The following MRPL42 variants were observed in gnomAD, a reference collection of about 807,000 sequenced individuals.
The protein encoded by MRPL42 is mitochondrial ribosomal protein L42.
A neutral mutation model predicts 17.9 loss-of-function variants in MRPL42; 17 were observed. That is an observed-to-expected ratio of 0.95 (90% confidence interval 0.65 to 1.42). The LOEUF is 1.42. MRPL42 is among the 40% of genes most tolerant of loss of function. MRPL42 has a pLI of 0.00. For synonymous variants in MRPL42, 59 were observed against 54.4 expected (o/e 1.08, Z -0.37); for missense variants, 177 against 175.2 (o/e 1.01, Z -0.06).
At chr12:93,467,762 C>G (rs1001672630) in intron 1 of MRPL42, among the ~76,000 whole-genome samples, 2 of 152,196 alleles carry the variant, frequency 1.3e-5, no homozygotes, top group South Asian at 2.1e-4. Context: ...GGCGGACGCC[C>G]GTGGGGAGGT....
rs1052896160 is a variant in MRPL42 at position 93,488,980 on chromosome 12, C to T, written c.383+1320C>T. Among the ~76,000 whole-genome samples, 11 of 152,170 alleles carry T rather than the reference C, an allele frequency of 7.2e-5. No homozygotes were observed. In the South Asian group the frequency reaches 1.7e-3, roughly 23 times the overall value. On this transcript the variant is annotated intron_variant, in intron 5 of 5. Transcript: ENST00000549982. ...AGCTGGGATTACAGGCACACTCTGC[C>T]ACGCCCAGCTAGTTTGAACAAAACT...
At chr12:93,475,016 A>G (rs138470099) in intron 2 of MRPL42, among the ~76,000 whole-genome samples, 7,973 of 152,196 alleles carry the variant, frequency 0.052, 253 homozygotes, top group South Asian at 0.14. Context: ...TTGCTTGAAC[A>G]TGGGAGGCGG....
chr12:93,502,084 G>A lies in MRPL42; in HGVS notation c.*863G>A, dbSNP rs1418461315. 5 of 152,112 alleles carry A rather than the reference G, an allele frequency of 3.3e-5. No homozygotes were observed. Among genetic ancestry groups the A allele is most frequent in the Non-Finnish European group, 7.3e-5 (5 of 68,028 alleles). The allele number at this position is 152,112 out of a possible 1,614,324, so 9.4% of individuals were successfully genotyped here. On this transcript the variant is annotated 3_prime_UTR_variant, in exon 6 of 6. Coordinates refer to ENST00000549982, the MANE Select transcript of MRPL42 (RefSeq NM_014050.4). The stretch of plus-strand genomic sequence containing the variant: ...TTTAGTGCATCACAATGACAAAGGG[G>A]TGGTTTTCTTTCACCCAAGAATGTG...
At chr12:93,472,343 A>C (rs936764793) in intron 2 of MRPL42, among the ~76,000 whole-genome samples, 1 of 152,162 alleles carries the variant, frequency 6.6e-6, no homozygotes, top group African/African-American at 2.4e-5. Context: ...TAATACCAGC[A>C]CTTTGGCAGG....
At chr12:93,474,309 T>C (rs79204746) in intron 2 of MRPL42, among the ~76,000 whole-genome samples, 2,980 of 152,204 alleles carry the variant, frequency 0.02, 77 homozygotes, top group African/African-American at 0.063. Flanking sequence ...TTTTTTTTAA[T>C]AGAGATGGGG....
chr12:93,494,039 C>T (rs1385389978), intron 5 of MRPL42, among the ~76,000 whole-genome samples: 1 of 129,582 alleles, frequency 7.7e-6, no homozygotes, highest in African/African-American at 3.0e-5. Flanking sequence ...GAAGGAAGGA[C>T]ATGTTCAAAA....
At chr12:93,499,813 C>T (rs1166883978) in intron 5 of MRPL42, among the ~76,000 whole-genome samples, 1 of 151,974 alleles carries the variant, frequency 6.6e-6, no homozygotes, top group African/African-American at 2.4e-5. Flanking sequence ...CATATGAAAC[C>T]TGAAGCAAAA....
At chr12:93,473,385 C>A (rs748520872) in intron 2 of MRPL42, among the ~76,000 whole-genome samples, 1 of 151,748 alleles carries the variant, frequency 6.6e-6, no homozygotes, top group Non-Finnish European at 1.5e-5. Context: ...TCTCAGTCTC[C>A]CAAGTAAGCA....
chr12:93,510,051 C>T lies in MRPL42; in HGVS notation c.*8830C>T, dbSNP rs1240470136. 1 of 152,318 alleles carries T rather than the reference C, an allele frequency of 6.6e-6. No individual in the cohort carries two copies. The highest frequency in any genetic ancestry group is 1.5e-5 in the Non-Finnish European group (1 of 68,054). 9.4% of individuals were successfully genotyped at this position (152,318 alleles called of 1,614,324 possible). On this transcript the variant is annotated 3_prime_UTR_variant, in exon 6 of 6. Transcript: ENST00000549982. ...AATGACATGTATCCATCTTTATAGT[C>T]ATGCAGAGTCTACACTGTCCTAAAA...
rs572102470 is a variant in MRPL42, at chr12:93,504,413, G to T, written c.*3192G>T. 1.3e-5 allele frequency: 2 copies of T among 152,668 alleles called. No homozygotes were observed. The highest frequency in any genetic ancestry group is 4.8e-5 in the African/African-American group (2 of 41,514). The allele number at this position is 152,668 out of a possible 1,614,324, so 9.5% of individuals were successfully genotyped here. On this transcript the variant is annotated 3_prime_UTR_variant, in exon 6 of 6. Transcript: ENST00000549982. ...CCTTGGCCTCCCAAAGTGCTGGGTG[G>T]GATTATAGGTGTGAGCCTCCATGCC... is the stretch of plus-strand genomic sequence containing the variant.
chr12:93,484,559 C>T (rs147804588), intron 4 of MRPL42, among the ~76,000 whole-genome samples: 69 of 152,134 alleles, frequency 4.5e-4, no homozygotes, highest in African/African-American at 1.6e-3. Flanking sequence ...TATGGTACCA[C>T]TGTAGTATAC....
In MRPL42 at chr12:93,487,699, C is replaced by T. The variant is rs1440365597; in HGVS notation, c.383+39C>T. On this transcript the variant is annotated intron_variant, in intron 5 of 5. Coordinates refer to ENST00000549982, the MANE Select transcript of MRPL42 (RefSeq NM_014050.4). ...TCTTTTCTTCAATCCCTACTACATA[C>T]AGTAAAGGAACACATGGATTTTCTT... 6.0e-6 allele frequency: 9 copies of T among 1,490,810 alleles called. No individual in the cohort carries two copies. The East Asian group carries it at 2.1e-4, about 35-fold the overall frequency. 92.3% of individuals were successfully genotyped at this position (1,490,810 alleles called of 1,614,324 possible). A position where few individuals can be genotyped will look rare whatever the true frequency, so the allele number is the denominator to read the frequency against.
intron 5 of MRPL42, among the ~76,000 whole-genome samples, chr12:93,491,803 G>A (rs1592782981): frequency 6.6e-6 from 1 of 151,998 alleles, no homozygotes; most frequent in Non-Finnish European, 1.5e-5. Context: ...AGTGTTTTTT[G>A]TTTCCATCTT....
At chr12:93,480,889 G>T (rs902823749) in intron 4 of MRPL42, among the ~76,000 whole-genome samples, 2 of 152,036 alleles carry the variant, frequency 1.3e-5, no homozygotes, top group African/African-American at 4.8e-5. Flanking sequence ...TCCCTGCTTT[G>T]TTAGGAAACA....
At chr12:93,479,320 A>G (rs1880342136) in intron 3 of MRPL42, 68 bp from the exon 4 acceptor site, 1 of 1,258,352 alleles carries the variant, frequency 7.9e-7, no homozygotes, top group South Asian at 1.4e-5. Context: ...TCTCAAAAAA[A>G]AAAAAAAAGG....
intron 5 of MRPL42, chr12:93,500,807 A>G (rs1953576789): frequency 6.3e-6 from 1 of 158,580 alleles, no homozygotes. Context: ...TTAATAGTCA[A>G]CAACTTAGCC....
intron 5 of MRPL42, among the ~76,000 whole-genome samples, chr12:93,491,050 C>T (rs1565816497): frequency 2.0e-5 from 3 of 152,082 alleles, no homozygotes; most frequent in Non-Finnish European, 2.9e-5. Context: ...ATCACCATGC[C>T]TGGCTGTTTT....
At chr12:93,484,280 A>T (rs1395016427) in intron 4 of MRPL42, among the ~76,000 whole-genome samples, 1 of 152,118 alleles carries the variant, frequency 6.6e-6, no homozygotes, top group African/African-American at 2.4e-5. Flanking sequence ...GTCTCACTAC[A>T]TGTTACTCTG....
rs1013633722 is a variant in MRPL42 at position 93,509,078 on chromosome 12, C to T, written c.*7857C>T. The T allele has an allele frequency of 2.6e-5, 4 of 151,808 alleles. No individual in the cohort carries two copies. Among genetic ancestry groups the T allele is most frequent in the African/African-American group, 9.7e-5 (4 of 41,254 alleles). 9.4% of individuals were successfully genotyped at this position (151,808 alleles called of 1,614,324 possible). On this transcript the variant is annotated 3_prime_UTR_variant, in exon 6 of 6. Transcript: ENST00000549982. ...TGGCAGGCATCTGTAATCCTAGCTA[C>T]TCAGGAGGCTGAGGCAGGAGAATCC...
Sources: gnomAD v4.1 joint callset for allele counts (sites outside exome capture counted in the v4.1 genomes callset) on GRCh38, gnomAD v4.1.1 for gene constraint, MANE v1.5 for transcripts, NCBI Gene and HGNC (gene_info 2026-07-23, HGNC 2026-07-21) for gene names.